The following POU2F1 variants were observed in gnomAD, a reference collection of about 807,000 sequenced individuals.
POU2F1 encodes the protein POU domain, class 2, transcription factor 1.
Under a neutral mutation model 84.9 loss-of-function variants are expected in POU2F1, and 16 were observed. The observed-to-expected ratio is 0.19, with a 90% CI of 0.13 to 0.29. POU2F1 has a LOEUF of 0.29. Ranked by LOEUF, POU2F1 falls within the 10% of genes least tolerant of loss-of-function variation. POU2F1 has a pLI of 1.00. For synonymous variants in POU2F1, 368 were observed against 368.3 expected (o/e 1.00, Z 0.01); for missense variants, 738 against 942.6 (o/e 0.78, Z 2.84).
At chr1:167,254,976 T>C (rs966909366) in intron 1 of POU2F1, among the ~76,000 whole-genome samples, 4 of 152,218 alleles carry the variant, frequency 2.6e-5, no homozygotes, top group Admixed American at 2.6e-4. Context: ...ATTGGTTTTC[T>C]TAGGCAGATT....
In POU2F1 at chr1:167,385,665, ATAGAC is replaced by A. The variant is rs565500765; in HGVS notation, c.813+1715_813+1719del. ...TGTACAAAGATTTGTTTGATGGGTC[ATAGAC>A]CTAAACTTAGAGAAAAAAGCTTGGA... On this transcript the variant is annotated intron_variant, in intron 8 of 15. Coordinates refer to ENST00000367866, the MANE Select transcript of POU2F1 (RefSeq NM_002697.4). Among the ~76,000 whole-genome samples the A allele has an allele frequency of 4.0e-3, 611 of 152,330 alleles. 11 individuals carry two copies. The highest frequency in any genetic ancestry group is 0.014 in the African/African-American group (591 of 41,588).
Position 167,423,809 on chromosome 1 carries a change from G to C in POU2F1, c.*7999G>C, listed in dbSNP as rs555775096. ...CACAGCTTCACAAGAGCAGCTTAAG[G>C]CTTCTTTCATAAATTGGCAGTGGCA... On this transcript the variant is annotated 3_prime_UTR_variant, in exon 16 of 16. Transcript: ENST00000367866. The C allele has an allele frequency of 3.3e-5, 5 of 152,340 alleles. No individual in the cohort carries two copies. Among genetic ancestry groups the C allele is most frequent in the South Asian group, 2.1e-4 (1 of 4,830 alleles). The allele number at this position is 152,340 out of a possible 1,614,324, so 9.4% of individuals were successfully genotyped here.
intron 10 of POU2F1, chr1:167,396,632 T>C (rs1301697045): frequency 1.9e-6 from 1 of 531,178 alleles, no homozygotes; most frequent in Non-Finnish European, 3.2e-6. Flanking sequence ...ACAGTATAAA[T>C]AATTAGCCGT....
chr1:167,254,698 T>A (rs1651004393), intron 1 of POU2F1, among the ~76,000 whole-genome samples: 5 of 152,222 alleles, frequency 3.3e-5, no homozygotes, highest in Admixed American at 2.6e-4. Flanking sequence ...TGTTTAGTTC[T>A]CATTATCAGA....
intron 1 of POU2F1, among the ~76,000 whole-genome samples, chr1:167,294,915 C>T (rs996076754): frequency 1.3e-5 from 2 of 152,094 alleles, no homozygotes; most frequent in Admixed American, 1.3e-4. Context: ...GGGCAGATCA[C>T]TTGAGGTCAG....
At chr1:167,288,718 A>G (rs1653705222) in intron 1 of POU2F1, among the ~76,000 whole-genome samples, 1 of 152,174 alleles carries the variant, frequency 6.6e-6, no homozygotes, top group Admixed American at 6.5e-5. Flanking sequence ...ACAAAGATTT[A>G]TGTCTACTTA....
At chr1:167,344,447 G>A (rs372862394) in intron 2 of POU2F1, among the ~76,000 whole-genome samples, 132 of 152,276 alleles carry the variant, frequency 8.7e-4, no homozygotes, top group African/African-American at 3.2e-3. Flanking sequence ...TGTGTAAAGG[G>A]AATGATAAAT....
chr1:167,327,929 T>C (rs1656816821), intron 1 of POU2F1, among the ~76,000 whole-genome samples: 1 of 152,196 alleles, frequency 6.6e-6, no homozygotes, highest in Non-Finnish European at 1.5e-5. Context: ...ATAATGCTTA[T>C]TACTCCATGG....
At chr1:167,351,535 A>AAAAAAAAAC (rs1658575878) in intron 2 of POU2F1, among the ~76,000 whole-genome samples, 1 of 146,556 alleles carries the variant, frequency 6.8e-6, no homozygotes, top group Non-Finnish European at 1.5e-5. Context: ...AAAAAAAAAA[A>AAAAAAAAAC]AAAAAAAAGA....
At chr1:167,249,583 C>G (rs912455102) in intron 1 of POU2F1, among the ~76,000 whole-genome samples, 3 of 151,980 alleles carry the variant, frequency 2.0e-5, no homozygotes, top group African/African-American at 7.3e-5. Context: ...CCTGTGGTCT[C>G]AGTAGAATTT....
chr1:167,235,657 A>T lies in POU2F1; in HGVS notation c.61+14699A>T, dbSNP rs147143544. The stretch of plus-strand genomic sequence containing the variant: ...TGTCATGCATGTACACATAATTTTT[A>T]AAAAAGGAGTCATAGTGCATATCCT... On this transcript the variant is annotated intron_variant, in intron 1 of 15. Coordinates refer to ENST00000367866, the MANE Select transcript of POU2F1 (RefSeq NM_002697.4). Among the ~76,000 whole-genome samples, 666 of 152,292 alleles carry T rather than the reference A, an allele frequency of 4.4e-3. 6 individuals are homozygous for T. The highest frequency in any genetic ancestry group is 0.015 in the African/African-American group (630 of 41,548).
chr1:167,384,454 T>C (rs1435402111), intron 8 of POU2F1, among the ~76,000 whole-genome samples: 2 of 152,294 alleles, frequency 1.3e-5, no homozygotes, highest in South Asian at 4.1e-4. Context: ...TAGACCTGAT[T>C]CCACTTCTTA....
chr1:167,228,768 T>A (rs1648832943), intron 1 of POU2F1, among the ~76,000 whole-genome samples: 1 of 152,238 alleles, frequency 6.6e-6, no homozygotes, highest in African/African-American at 2.4e-5. Context: ...AAACTCTTTT[T>A]ATCTTGTTTT....
chr1:167,311,387 T>C (rs1473109751), intron 1 of POU2F1, among the ~76,000 whole-genome samples: 1 of 152,048 alleles, frequency 6.6e-6, no homozygotes, highest in Non-Finnish European at 1.5e-5. Flanking sequence ...AAAAATATCC[T>C]TCAGGAATGA....
At chr1:167,299,021 G>A (rs1201859256) in intron 1 of POU2F1, among the ~76,000 whole-genome samples, 2 of 152,016 alleles carry the variant, frequency 1.3e-5, no homozygotes, top group Non-Finnish European at 2.9e-5. Flanking sequence ...AAATTAGCTG[G>A]GCATGGTGGC....
intron 2 of POU2F1, among the ~76,000 whole-genome samples, chr1:167,358,622 A>T (rs1217237840): frequency 6.6e-6 from 1 of 151,194 alleles, no homozygotes; most frequent in Admixed American, 6.6e-5. Context: ...GTCTTGATAA[A>T]TTATATTTTC....
intron 1 of POU2F1, among the ~76,000 whole-genome samples, chr1:167,235,696 T>C (rs113730519): frequency 3.3e-5 from 5 of 152,356 alleles, no homozygotes; most frequent in African/African-American, 1.2e-4. Flanking sequence ...ATATACTTGC[T>C]GTTTTTCCCC....
At chr1:167,318,830 A>G (rs762664999) in intron 1 of POU2F1, among the ~76,000 whole-genome samples, 1 of 152,158 alleles carries the variant, frequency 6.6e-6, no homozygotes, top group Non-Finnish European at 1.5e-5. Flanking sequence ...GTATACCTCC[A>G]CTGGGGGGGT....
In POU2F1 at chr1:167,426,564, G is replaced by C. The variant is rs1650963923; in HGVS notation, c.*10754G>C. Reference sequence around the variant, plus strand: ...GAGACAGTGATCGTGTTTTTCTAAAGATGTTTTCTTTCTCTCTTTCAATAT... The same window carrying C: ...GAGACAGTGATCGTGTTTTTCTAAACATGTTTTCTTTCTCTCTTTCAATAT... On this transcript the variant is annotated 3_prime_UTR_variant, in exon 16 of 16. Transcript: ENST00000367866. 6.6e-6 allele frequency: 1 copy of C among 152,158 alleles called. No homozygotes were observed. Among genetic ancestry groups the C allele is most frequent in the Non-Finnish European group, 1.5e-5 (1 of 68,018 alleles). 9.4% of individuals were successfully genotyped at this position (152,158 alleles called of 1,614,324 possible). A position where few individuals can be genotyped will look rare whatever the true frequency, so the allele number is the denominator to read the frequency against.
Sources: gnomAD v4.1 joint callset for allele counts (sites outside exome capture counted in the v4.1 genomes callset) on GRCh38, gnomAD v4.1.1 for gene constraint, MANE v1.5 for transcripts, NCBI Gene and HGNC (gene_info 2026-07-23, HGNC 2026-07-21) for gene names.